The following OPCML variants were observed in gnomAD, a reference collection of about 807,000 sequenced individuals.
OPCML encodes the protein opioid binding protein/cell adhesion molecule like, also known as opioid-binding protein/cell adhesion molecule.
OPCML carries 13 observed loss-of-function variants against 37.8 expected under a neutral mutation model. The ratio of observed to expected loss-of-function variants is 0.34; its 90% CI spans 0.22 to 0.55. OPCML has a LOEUF of 0.55. Ranked by LOEUF, OPCML falls within the 20% of genes least tolerant of loss-of-function variation. The pLI, the probability that OPCML is intolerant of heterozygous loss-of-function variation, is 0.91. For missense variants in OPCML, 341 were observed against 435.6 expected (o/e 0.78, Z 1.93); for synonymous variants, 176 against 168.8 (o/e 1.04, Z -0.33).
intron 2 of OPCML, among the ~76,000 whole-genome samples, chr11:132,711,494 C>G (rs753539661): frequency 4.6e-5 from 7 of 152,114 alleles, no homozygotes; most frequent in Admixed American, 1.3e-4. Flanking sequence ...TCACACTTGC[C>G]CCTTGAACTA....
At chr11:132,489,407 A>T (rs1386166054) in intron 4 of OPCML, among the ~76,000 whole-genome samples, 1 of 152,224 alleles carries the variant, frequency 6.6e-6, no homozygotes, top group Non-Finnish European at 1.5e-5. Context: ...ATCTAAAATA[A>T]TAGTAAAAAG....
intron 1 of OPCML, among the ~76,000 whole-genome samples, chr11:133,304,623 C>T (rs1021885384): frequency 6.6e-6 from 1 of 152,132 alleles, no homozygotes; most frequent in African/African-American, 2.4e-5. Context: ...TACCCAATGC[C>T]TTCTTGAAGC....
intron 1 of OPCML, among the ~76,000 whole-genome samples, chr11:133,134,225 G>T (rs918375916): frequency 6.6e-6 from 1 of 152,066 alleles, no homozygotes; most frequent in East Asian, 1.9e-4. Context: ...TCCATCCCAT[G>T]CCCCTTTCCT....
intron 1 of OPCML, among the ~76,000 whole-genome samples, chr11:133,140,126 G>T (rs778712700): frequency 4.6e-5 from 7 of 151,050 alleles, no homozygotes; most frequent in Non-Finnish European, 8.8e-5. Flanking sequence ...GGCAGAGGTT[G>T]CAGTGAGCCG....
chr11:133,356,601 C>CATTAATTAATGTACAATA (rs1159189398), intron 1 of OPCML, among the ~76,000 whole-genome samples: 2 of 152,200 alleles, frequency 1.3e-5, no homozygotes, highest in African/African-American at 4.8e-5. Flanking sequence ...CCTGTACTAT[C>CATTAATTAATGTACAATA]ATTAATTGTT....
At chr11:133,168,260 C>T (rs1950241013) in intron 1 of OPCML, among the ~76,000 whole-genome samples, 1 of 152,184 alleles carries the variant, frequency 6.6e-6, no homozygotes. Flanking sequence ...ATGTGCTTTC[C>T]TCCTGGAATG....
intron 3 of OPCML, among the ~76,000 whole-genome samples, chr11:132,628,320 T>G (rs1939870497): frequency 6.6e-6 from 1 of 152,186 alleles, no homozygotes; most frequent in Non-Finnish European, 1.5e-5. Context: ...AATTGTAATG[T>G]TTGGAAACTG....
intron 2 of OPCML, among the ~76,000 whole-genome samples, chr11:132,932,692 T>A (rs778452864): frequency 2.1e-3 from 109 of 52,178 alleles, no homozygotes; most frequent in Non-Finnish European, 2.9e-3. Flanking sequence ...ATATATATAT[T>A]ATATATATAT....
chr11:132,656,129 C>T (rs879843177), intron 3 of OPCML, among the ~76,000 whole-genome samples: 7 of 152,096 alleles, frequency 4.6e-5, no homozygotes, highest in Non-Finnish European at 1.0e-4. Context: ...GCATCACTGG[C>T]TGACGGAACT....
chr11:133,122,730 A>C (rs1477993772), intron 1 of OPCML, among the ~76,000 whole-genome samples: 1 of 152,178 alleles, frequency 6.6e-6, no homozygotes, highest in African/African-American at 2.4e-5. Flanking sequence ...GTTAATTTCC[A>C]GATGATGCTG....
In OPCML at chr11:133,405,031, C is replaced by T. The variant is rs144333489; in HGVS notation, c.61+127233G>A. ...AGATTATAAATACCTTGAGATCTTC[C>T]GTTTCTTTTGTATTCATTCAAAACA... On this transcript the variant is annotated intron_variant, in intron 1 of 7. Coordinates refer to ENST00000524381, the MANE Select transcript of OPCML (RefSeq NM_001012393.5). 5.0e-3 allele frequency among the ~76,000 whole-genome samples: 759 copies of T among 152,290 alleles called. 8 individuals are homozygous for T. The highest frequency in any genetic ancestry group is 0.017 in the African/African-American group (687 of 41,544).
chr11:132,742,813 T>C (rs1337890847), intron 2 of OPCML, among the ~76,000 whole-genome samples: 1 of 149,830 alleles, frequency 6.7e-6, no homozygotes, highest in Non-Finnish European at 1.5e-5. Context: ...CTCTATATAA[T>C]GTAATTATAT....
At chr11:132,480,598 A>C (rs2096176205) in intron 4 of OPCML, among the ~76,000 whole-genome samples, 1 of 152,210 alleles carries the variant, frequency 6.6e-6, no homozygotes, top group Non-Finnish European at 1.5e-5. Flanking sequence ...TGGAGGAAAA[A>C]ATGTTAAGGG....
chr11:133,082,520 T>C (rs988719722), intron 1 of OPCML, among the ~76,000 whole-genome samples: 1 of 98,768 alleles, frequency 1.0e-5, no homozygotes, highest in Non-Finnish European at 2.1e-5. Flanking sequence ...CACCCTCCCC[T>C]CCTCCCCTCC....
chr11:133,459,083 TGTTTG>T (rs1330472807), intron 1 of OPCML, among the ~76,000 whole-genome samples: 2 of 151,962 alleles, frequency 1.3e-5, no homozygotes, highest in Admixed American at 6.6e-5. Context: ...CAACATAAAG[TGTTTG>T]GGGAGGAGGA....
intron 1 of OPCML, among the ~76,000 whole-genome samples, chr11:133,506,514 C>T (rs1263435514): frequency 6.6e-6 from 1 of 152,190 alleles, no homozygotes; most frequent in Non-Finnish European, 1.5e-5. Flanking sequence ...CTCTGCTCCT[C>T]TACCTGCTCT....
intron 1 of OPCML, among the ~76,000 whole-genome samples, chr11:133,112,841 G>A (rs988801966): frequency 6.6e-6 from 1 of 152,114 alleles, no homozygotes; most frequent in Non-Finnish European, 1.5e-5. Flanking sequence ...AATCGCACAA[G>A]CTCCAGAAGA....
At chr11:132,894,450 C>G (rs977832226) in intron 2 of OPCML, among the ~76,000 whole-genome samples, 2 of 152,196 alleles carry the variant, frequency 1.3e-5, no homozygotes, top group Non-Finnish European at 2.9e-5. Flanking sequence ...AATCCACACC[C>G]ATGACTTCAG....
chr11:132,518,219 C>T lies in OPCML; in HGVS notation c.505+10842G>A, dbSNP rs890238654. Among the ~76,000 whole-genome samples, 10 of 152,206 alleles carry T rather than the reference C, an allele frequency of 6.6e-5. 1 individual carries two copies. The highest frequency in any genetic ancestry group is 1.9e-4 in the East Asian group (1 of 5,170). The stretch of plus-strand genomic sequence containing the variant: ...CATTAGCTATTTATCTTGATGCTCT[C>T]CCTCCCATTGCCCCCACCCCCGACA... On this transcript the variant is annotated intron_variant, in intron 4 of 7. Transcript: ENST00000524381.
Sources: allele counts gnomAD v4.1 joint callset (sites outside exome capture counted in the v4.1 genomes callset), GRCh38; gene constraint gnomAD v4.1.1; transcripts MANE v1.5; gene names NCBI Gene and HGNC (gene_info 2026-07-23, HGNC 2026-07-21).